Variants in INVS observed in about 807,000 individuals in gnomAD.
INVS encodes inversion of embryo turning homolog.
In INVS, 86 loss-of-function variants were observed where a neutral mutation model predicts 108.8. The observed-to-expected ratio is 0.79, with a 90% confidence interval of 0.66 to 0.95. The LOEUF (loss-of-function observed/expected upper bound fraction) is 0.95, where lower values mean the gene tolerates loss of function less well. Among genes scored for constraint, INVS ranks in the 40% least tolerant of loss-of-function variants. The pLI is 0.00. For synonymous variants in INVS, 455 were observed against 473.5 expected (o/e 0.96, Z 0.51); for missense variants, 1,169 against 1,297.4 (o/e 0.90, Z 1.52).
intron 3 of INVS, among the ~76,000 whole-genome samples, chr9:100,171,246 T>C (rs146754956): frequency 6.6e-6 from 1 of 152,322 alleles, no homozygotes; most frequent in East Asian, 1.9e-4. Flanking sequence ...TTACTGTATT[T>C]TTTCTATGTT....
rs1381074507 is a variant in INVS, at chr9:100,272,895, G to A, written c.1603G>A (p.Glu535Lys). The A allele has an allele frequency of 1.2e-6, 2 of 1,613,980 alleles. No homozygotes were observed. The highest frequency in any genetic ancestry group is 2.2e-5 in the East Asian group (1 of 44,872). The change falls in exon 12 of 17, where the codon GAG becomes AAG. Residue 535 changes from glutamate to lysine, a missense_variant. Transcript: ENST00000262457. The stretch of plus-strand genomic sequence containing the variant: ...ACCCCTTGATTATGCTTTGCTTGGT[G>A]AGCGCCATGAAGTGATCCAGTTCAT... Reference protein sequence around the residue: ...YTPLDYALLGERHEVIQFMLE... With the variant: ...YTPLDYALLGKRHEVIQFMLE...
intron 7 of INVS, among the ~76,000 whole-genome samples, chr9:100,244,164 A>G (rs900376989): frequency 1.3e-5 from 2 of 152,200 alleles, no homozygotes; most frequent in African/African-American, 4.8e-5. Context: ...TATTCCTATA[A>G]TCCTTGCTTC....
intron 3 of INVS, among the ~76,000 whole-genome samples, chr9:100,209,159 T>C (rs1188703783): frequency 1.3e-5 from 2 of 152,098 alleles, no homozygotes; most frequent in Non-Finnish European, 2.9e-5. Flanking sequence ...TTGTGCAGTA[T>C]TGGGAAAAAG....
rs375757276 is a variant in INVS at position 100,126,550 on chromosome 9, G to C, written c.273+1G>C. The C allele has an allele frequency of 6.2e-7, 1 of 1,614,040 alleles. No individual in the cohort carries two copies. Among genetic ancestry groups the C allele is most frequent in the Admixed American group, 1.7e-5 (1 of 60,000 alleles). ...AGCCCTCCATCTTGCAGCCCAGAAGGTGAGAAGTAAAATTTCCTTGAAGAG... is the reference window on the plus strand; with the variant it reads ...AGCCCTCCATCTTGCAGCCCAGAAGCTGAGAAGTAAAATTTCCTTGAAGAG... On this transcript the variant is annotated splice_donor_variant, in intron 3 of 16. Coordinates refer to ENST00000262457, the MANE Select transcript of INVS (RefSeq NM_014425.5). LOFTEE classifies it high-confidence loss of function.
At chr9:100,108,889 A>T (rs577257835) in intron 2 of INVS, among the ~76,000 whole-genome samples, 1 of 152,344 alleles carries the variant, frequency 6.6e-6, no homozygotes, top group East Asian at 1.9e-4. Flanking sequence ...GTTTAACCTA[A>T]TACAGTGGAT....
chr9:100,157,459 G>T (rs1176365297), intron 3 of INVS, among the ~76,000 whole-genome samples: 1 of 151,588 alleles, frequency 6.6e-6, no homozygotes, highest in African/African-American at 2.4e-5. Context: ...GTAGAGACGG[G>T]GTTTCACCGT....
chr9:100,260,605 T>G (rs1295544037), intron 10 of INVS, among the ~76,000 whole-genome samples: 1 of 152,222 alleles, frequency 6.6e-6, no homozygotes, highest in Non-Finnish European at 1.5e-5. Flanking sequence ...TCCAAGAACT[T>G]TATGTTTAAT....
chr9:100,232,455 A>T (rs1831543920), intron 5 of INVS, among the ~76,000 whole-genome samples: 1 of 152,164 alleles, frequency 6.6e-6, no homozygotes, highest in Admixed American at 6.5e-5. Context: ...GGTATCGCCT[A>T]GGTTTTCTTC....
At chr9:100,109,925 C>T (rs1300832487) in intron 2 of INVS, among the ~76,000 whole-genome samples, 1 of 152,212 alleles carries the variant, frequency 6.6e-6, no homozygotes, top group Non-Finnish European at 1.5e-5. Context: ...CCTCGGCCTC[C>T]CGAAGTGCTG....
chr9:100,242,433 A>C, intron 6 of INVS, 137 bp from the exon 7 acceptor site: 2 of 630,470 alleles, frequency 3.2e-6, no homozygotes, highest in South Asian at 3.5e-5. Flanking sequence ...AAGAGGCTGC[A>C]TTGGGGGCTG....
At position 100,242,746 on chromosome 9, in the gene INVS, C is replaced by A. The variant is rs1332070051; in HGVS notation, c.906+67C>A. ...TGTTATTTTTATATAATTGTAGATT[C>A]ATATGTAGTTGTAGGAAATAATACA... On this transcript the variant is annotated intron_variant, in intron 7 of 16. Coordinates refer to ENST00000262457, the MANE Select transcript of INVS (RefSeq NM_014425.5). The A allele has an allele frequency of 5.5e-6, 5 of 916,702 alleles. No homozygotes were observed. In the East Asian group the frequency reaches 1.2e-4, roughly 22 times the overall value. The allele number at this position is 916,702 out of a possible 1,614,324, so 56.8% of individuals were successfully genotyped here.
intron 3 of INVS, among the ~76,000 whole-genome samples, chr9:100,145,228 G>C (rs184687470): frequency 2.0e-4 from 31 of 152,120 alleles, no homozygotes; most frequent in African/African-American, 7.2e-4. Context: ...AGACACGGAG[G>C]GAAGGGGTTT....
chr9:100,288,104 G>C (rs1381840743), intron 13 of INVS, among the ~76,000 whole-genome samples: 1 of 152,198 alleles, frequency 6.6e-6, no homozygotes, highest in Non-Finnish European at 1.5e-5. Context: ...CTGAAAACCA[G>C]CTGGTCACAT....
intron 2 of INVS, among the ~76,000 whole-genome samples, chr9:100,121,703 C>T: frequency 6.6e-6 from 1 of 151,132 alleles, no homozygotes; most frequent in South Asian, 2.1e-4. Flanking sequence ...TGTAATTGCT[C>T]TCTGTTCTTA....
intron 2 of INVS, among the ~76,000 whole-genome samples, chr9:100,113,439 C>G (rs1827408968): frequency 6.6e-6 from 1 of 152,120 alleles, no homozygotes; most frequent in South Asian, 2.1e-4. Flanking sequence ...TGCTGAAAAG[C>G]TAGGAAGTCT....
chr9:100,149,801 A>C (rs1828751481), intron 3 of INVS, among the ~76,000 whole-genome samples: 1 of 152,156 alleles, frequency 6.6e-6, no homozygotes, highest in South Asian at 2.1e-4. Context: ...ATGAAAAAAA[A>C]CTTCATTTAG....
rs376463532 is a variant in INVS at position 100,293,040 on chromosome 9, G to T, written c.2783G>T (p.Arg928Leu). 3.7e-6 allele frequency: 6 copies of T among 1,613,196 alleles called. No individual in the cohort carries two copies. The highest frequency in any genetic ancestry group is 5.1e-6 in the Non-Finnish European group (6 of 1,179,772). ...KAAAVIQRAW[R>L]SYQLRKHLSH... Reference sequence around the variant, plus strand: ...GCAGCAGTCATCCAGCGCGCCTGGCGAAGGTAGGAAAATGGGGTGCTGCCG... The same window carrying T: ...GCAGCAGTCATCCAGCGCGCCTGGCTAAGGTAGGAAAATGGGGTGCTGCCG... The change falls in exon 14 of 17, where the codon CGA (arginine) becomes CTA (leucine). Residue 928 changes from arginine to leucine, a missense_variant. This residue lies in a region of INVS where 533 missense variants were observed against 536.0 expected (regional missense o/e 0.99). Coordinates refer to ENST00000262457, the MANE Select transcript of INVS (RefSeq NM_014425.5).
At chr9:100,133,471 T>C (rs1828115712) in intron 3 of INVS, among the ~76,000 whole-genome samples, 1 of 152,042 alleles carries the variant, frequency 6.6e-6, no homozygotes, top group Non-Finnish European at 1.5e-5. Context: ...CTTAATATTA[T>C]GTATTTGAAA....
intron 3 of INVS, among the ~76,000 whole-genome samples, chr9:100,208,147 T>G (rs1830730277): frequency 6.6e-6 from 1 of 152,218 alleles, no homozygotes; most frequent in African/African-American, 2.4e-5. Context: ...TAAAAAGGTC[T>G]AAAATGGTGG....
Sources: allele counts gnomAD v4.1 joint callset (sites outside exome capture counted in the v4.1 genomes callset), GRCh38; gene constraint gnomAD v4.1.1; regional missense constraint gnomAD v4.1.1; transcripts MANE v1.5; gene names NCBI Gene and HGNC (gene_info 2026-07-23, HGNC 2026-07-21).